ATM: variants seen among roughly 807,000 people sequenced by gnomAD.
ATM encodes the protein ATM serine/threonine kinase, also known as serine-protein kinase ATM.
In ATM, 308 loss-of-function variants were observed where a neutral mutation model predicts 387.0. That is an observed-to-expected ratio of 0.80 (90% confidence interval 0.73 to 0.87). The LOEUF (loss-of-function observed/expected upper bound fraction) is 0.87, where lower values mean the gene tolerates loss of function less well. Ranked by LOEUF, ATM falls within the 40% of genes least tolerant of loss-of-function variation. The pLI, the probability that ATM is intolerant of heterozygous loss-of-function variation, is 0.00. For missense variants in ATM, 3,312 were observed against 3,560.9 expected (o/e 0.93, Z 1.78); for synonymous variants, 1,156 against 1,187.3 (o/e 0.97, Z 0.54).
chr11:108,289,671 C>T lies in ATM; in HGVS notation c.4306C>T (p.His1436Tyr), dbSNP rs544891616. ...AAETNNVYKKHRILKIYHLFV... is the reference protein window; with the variant it reads ...AAETNNVYKKYRILKIYHLFV... ...TGAAACAAATAATGTTTATAAGAAG[C>T]ACAGAATTCTTAAAATATATCACCT... is the stretch of plus-strand genomic sequence containing the variant. The change falls in exon 29 of 63, where the codon CAC becomes TAC. Residue 1436 changes from histidine (H) to tyrosine (Y), a missense_variant. Physicochemically the swap from His to Tyr is moderately conservative, Grantham distance 83. Transcript: ENST00000675843. 2.7e-5 allele frequency: 44 copies of T among 1,612,928 alleles called. No homozygotes were observed. Among genetic ancestry groups the T allele is most frequent in the African/African-American group, 4.0e-5 (3 of 74,934 alleles).
chr11:108,348,620 A>G (rs1010152862), intron 59 of ATM, among the ~76,000 whole-genome samples: 2 of 152,132 alleles, frequency 1.3e-5, no homozygotes, highest in Admixed American at 6.5e-5. Flanking sequence ...AACTTCTATT[A>G]AACAGTATTA....
At chr11:108,293,988 A>G (rs1445719775) in intron 31 of ATM, among the ~76,000 whole-genome samples, 2 of 150,712 alleles carry the variant, frequency 1.3e-5, no homozygotes, top group Non-Finnish European at 3.0e-5. Flanking sequence ...AAATAAAAAA[A>G]TGAATCTTAA....
At position 108,282,791 on chromosome 11, in the gene ATM, G is replaced by C. The variant is rs1565444811; in HGVS notation, c.3658G>C (p.Glu1220Gln). 1.3e-6 allele frequency: 2 copies of C among 1,596,582 alleles called. No individual in the cohort carries two copies. The highest frequency in any genetic ancestry group is 1.7e-6 in the Non-Finnish European group (2 of 1,164,554). ...MASHLDYLVL[E>Q]WLNLQDTEYN... Reference sequence around the variant, plus strand: ...ATCTCATTTAGATTATCTGGTTTTGGAATGGCTAAATCTTCAAGATACTGA... The same window carrying C: ...ATCTCATTTAGATTATCTGGTTTTGCAATGGCTAAATCTTCAAGATACTGA... Residue 1220 changes from glutamate to glutamine, a missense_variant, in exon 25 of 63, where the codon GAA becomes CAA. By Grantham distance (29) the Glu-to-Gln change is conservative. Coordinates refer to ENST00000675843, the MANE Select transcript of ATM (RefSeq NM_000051.4).
chr11:108,277,475 A>T (rs1296669765), intron 22 of ATM, among the ~76,000 whole-genome samples: 2 of 152,086 alleles, frequency 1.3e-5, no homozygotes, highest in Non-Finnish European at 2.9e-5. Context: ...TTTGTGCTTT[A>T]AACCCAGGGC....
chr11:108,327,806 G>A (rs772805798), intron 48 of ATM, 48 bp downstream of exon 48: 1 of 1,343,744 alleles, frequency 7.4e-7, no homozygotes, highest in Non-Finnish European at 1.1e-6. Context: ...GCATGAATAT[G>A]CTTCATCTTT....
intron 38 of ATM, 24 bp downstream of exon 38, chr11:108,308,008 T>TA (rs780713620): frequency 2.5e-6 from 4 of 1,579,600 alleles, no homozygotes; most frequent in South Asian, 2.2e-5. Flanking sequence ...TGTTGCTTCT[T>TA]ACGTTTAGGA....
intron 1 of ATM, 102 bp from the exon 2 acceptor site, chr11:108,227,493 T>G: frequency 2.8e-6 from 2 of 727,150 alleles, no homozygotes; most frequent in Non-Finnish European, 4.8e-6. Context: ...CTATAAATAC[T>G]GCAGTATAAA....
intron 29 of ATM, among the ~76,000 whole-genome samples, chr11:108,292,380 T>C (rs1225326210): frequency 6.6e-6 from 1 of 152,238 alleles, no homozygotes; most frequent in Non-Finnish European, 1.5e-5. Flanking sequence ...TCTAACAAAA[T>C]TAGTTCTGAC....
At chr11:108,225,704 C>G (rs1167465075) in intron 1 of ATM, 1 of 152,238 alleles carries the variant, frequency 6.6e-6, no homozygotes, top group African/African-American at 2.4e-5. Flanking sequence ...TCTCGAACTC[C>G]TGACCTCGTG....
chr11:108,317,618 TATATA>T (rs2084820430), intron 43 of ATM, 97 bp downstream of exon 43: 5 of 26,754 alleles, frequency 1.9e-4, no homozygotes, highest in South Asian at 1.5e-3. Flanking sequence ...AGTTGTTTTA[TATATA>T]TATATATATA....
chr11:108,297,201 G>T, intron 32 of ATM, 86 bp from the exon 33 acceptor site: 1 of 1,142,730 alleles, frequency 8.8e-7, no homozygotes, highest in East Asian at 2.6e-5. Flanking sequence ...AAGTTTTCTA[G>T]TCAGATAATT....
chr11:108,356,216 G>T (rs1029554549), intron 61 of ATM: 1 of 152,016 alleles, frequency 6.6e-6, no homozygotes, highest in Admixed American at 6.5e-5. Flanking sequence ...AAACTCTAAA[G>T]TTATATTATC....
intron 26 of ATM, among the ~76,000 whole-genome samples, chr11:108,285,485 C>T (rs2082444982): frequency 6.6e-6 from 1 of 152,030 alleles, no homozygotes; most frequent in African/African-American, 2.4e-5. Context: ...TTAAAACATA[C>T]ATACAAATTT....
chr11:108,297,072 CTGT>C (rs1352547160), intron 32 of ATM: 1 of 535,968 alleles, frequency 1.9e-6, no homozygotes, highest in African/African-American at 1.9e-5. Flanking sequence ...TTTATTTTCT[CTGT>C]TGTCACATAT....
chr11:108,303,565 T>C lies in ATM; in HGVS notation c.5496+536T>C, dbSNP rs556032749. Among the ~76,000 whole-genome samples, 4 of 152,282 alleles carry C rather than the reference T, an allele frequency of 2.6e-5. 1 individual carries two copies. The South Asian group carries it at 8.3e-4, about 32-fold the overall frequency. ...AGAGTTAATTTATAGCACTGTCAAA[T>C]GTGATTCAACAGAAATGTGAAAATA... On this transcript the variant is annotated intron_variant, in intron 36 of 62. Transcript: ENST00000675843.
At chr11:108,257,647 TC>T (rs780333979) in intron 15 of ATM, 41 bp downstream of exon 15, 12 of 1,585,094 alleles carry the variant, frequency 7.6e-6, no homozygotes, top group Non-Finnish European at 1.7e-6. Flanking sequence ...TGAGATAGGA[TC>T]TTTCTCTGTC....
intron 5 of ATM, chr11:108,236,482 G>C (rs2079281795): frequency 6.6e-6 from 1 of 151,904 alleles, no homozygotes; most frequent in African/African-American, 2.4e-5. Flanking sequence ...GCAGTGAGCT[G>C]TGATCACACT....
At chr11:108,249,695 G>T (rs2080032689) in intron 9 of ATM, among the ~76,000 whole-genome samples, 1 of 152,166 alleles carries the variant, frequency 6.6e-6, no homozygotes, top group African/African-American at 2.4e-5. Flanking sequence ...ACCCAGAGAG[G>T]TTAAGCAACT....
At chr11:108,315,783 T>TG (rs1171119302) in intron 40 of ATM, 40 bp from the exon 41 acceptor site, 1 of 1,535,366 alleles carries the variant, frequency 6.5e-7, no homozygotes, top group Non-Finnish European at 9.0e-7. Flanking sequence ...TAGACCGATT[T>TG]TTTTTCCTTC....
Sources: gnomAD v4.1 joint callset for allele counts (sites outside exome capture counted in the v4.1 genomes callset) on GRCh38, gnomAD v4.1.1 for gene constraint, MANE v1.5 for transcripts, NCBI Gene and HGNC (gene_info 2026-07-23, HGNC 2026-07-21) for gene names.